The following SMYD3 variants were observed in gnomAD, a reference collection of about 807,000 sequenced individuals.
SMYD3 encodes the protein SET and MYND domain containing 3.
SMYD3 carries 36 observed loss-of-function variants against 57.7 expected under a neutral mutation model. The ratio of observed to expected loss-of-function variants is 0.62; its 90% CI spans 0.48 to 0.82. The LOEUF is 0.82. Ranked by LOEUF, SMYD3 falls within the 40% of genes least tolerant of loss-of-function variation. The pLI is 0.00. For synonymous variants in SMYD3, 211 were observed against 195.0 expected (o/e 1.08, Z -0.68); for missense variants, 515 against 538.8 (o/e 0.96, Z 0.44).
Position 246,255,985 on chromosome 1 carries a change from G to GATAC in SMYD3, c.531+71212_531+71215dup, listed in dbSNP as rs1553320472. On this transcript the variant is annotated intron_variant, in intron 5 of 11. Transcript: ENST00000490107. ...AGATAGATAGATAGATAGATAGATAGATACACACACACATACATACATACA... is the reference window on the plus strand; with the variant it reads ...AGATAGATAGATAGATAGATAGATAGATACATACACACACACATACATACATACA... 1.2e-3 allele frequency among the ~76,000 whole-genome samples: 178 copies of GATAC among 144,674 alleles called. 1 individual carries two copies. The highest frequency in any genetic ancestry group is 4.2e-3 in the African/African-American group (166 of 39,218). 94.9% of individuals were successfully genotyped at this position (144,674 alleles called of 152,430 possible). A position where few individuals can be genotyped will look rare whatever the true frequency, so the allele number is the denominator to read the frequency against.
chr1:246,451,058 A>T (rs2067625994), intron 1 of SMYD3, among the ~76,000 whole-genome samples: 1 of 152,230 alleles, frequency 6.6e-6, no homozygotes, highest in African/African-American at 2.4e-5. Flanking sequence ...AACATTCAGC[A>T]GGTGCCTGCC....
chr1:245,834,521 T>C (rs562690783), intron 10 of SMYD3, among the ~76,000 whole-genome samples: 2 of 152,330 alleles, frequency 1.3e-5, no homozygotes, highest in East Asian at 1.9e-4. Flanking sequence ...CTGACTCTAA[T>C]AGAATGAACT....
intron 1 of SMYD3, among the ~76,000 whole-genome samples, chr1:246,363,378 T>C (rs2066039465): frequency 6.6e-6 from 1 of 151,772 alleles, no homozygotes. Context: ...TACTGGGAAG[T>C]GAGGAGCCCC....
intron 5 of SMYD3, among the ~76,000 whole-genome samples, chr1:246,305,469 T>C (rs1186848481): frequency 2.6e-5 from 4 of 152,200 alleles, no homozygotes; most frequent in African/African-American, 7.2e-5. Context: ...TAATGGTCAA[T>C]TCAGGCTGCA....
At chr1:246,473,602 C>G (rs1042870598) in intron 1 of SMYD3, among the ~76,000 whole-genome samples, 2 of 152,170 alleles carry the variant, frequency 1.3e-5, no homozygotes, top group African/African-American at 4.8e-5. Flanking sequence ...AAAATTGCCC[C>G]CCACCACCAT....
At chr1:246,311,372 C>T (rs1264204415) in intron 5 of SMYD3, among the ~76,000 whole-genome samples, 1 of 152,202 alleles carries the variant, frequency 6.6e-6, no homozygotes, top group Non-Finnish European at 1.5e-5. Context: ...ATCATCATTG[C>T]TCTAAAGAAA....
At chr1:245,792,807 C>T (rs186350770) in intron 10 of SMYD3, among the ~76,000 whole-genome samples, 6 of 152,220 alleles carry the variant, frequency 3.9e-5, no homozygotes, top group East Asian at 1.9e-4. Context: ...TGAGGGACGA[C>T]GTCGAAGTTC....
intron 1 of SMYD3, among the ~76,000 whole-genome samples, chr1:246,471,258 G>A (rs79493957): frequency 0.016 from 2,479 of 152,252 alleles, 33 homozygotes; most frequent in Non-Finnish European, 0.024. Flanking sequence ...AAGTGCGGCT[G>A]TATGATCATG....
chr1:245,954,424 A>G (rs1256067944), intron 5 of SMYD3, among the ~76,000 whole-genome samples: 3 of 152,198 alleles, frequency 2.0e-5, no homozygotes, highest in Non-Finnish European at 2.9e-5. Flanking sequence ...CTGTAATCTT[A>G]GCACTTTGGG....
intron 1 of SMYD3, among the ~76,000 whole-genome samples, chr1:246,491,500 A>G (rs2068270539): frequency 6.6e-6 from 1 of 151,444 alleles, no homozygotes; most frequent in African/African-American, 2.4e-5. Flanking sequence ...AGATCGCACC[A>G]TTGCACTCCA....
At chr1:246,130,293 C>CA (rs1485933260) in intron 5 of SMYD3, among the ~76,000 whole-genome samples, 1 of 152,122 alleles carries the variant, frequency 6.6e-6, no homozygotes. Context: ...ATGAAGTTCC[C>CA]AGGCCTCCAT....
chr1:245,797,677 T>C (rs574022485), intron 10 of SMYD3, among the ~76,000 whole-genome samples: 1 of 151,732 alleles, frequency 6.6e-6, no homozygotes, highest in African/African-American at 2.4e-5. Context: ...AGTATAATTA[T>C]ATATAGATAG....
At chr1:246,050,879 CTGAAT>C (rs1050794683) in intron 5 of SMYD3, among the ~76,000 whole-genome samples, 12 of 152,094 alleles carry the variant, frequency 7.9e-5, no homozygotes, top group Admixed American at 6.5e-5. Flanking sequence ...TTGTCCCTTA[CTGAAT>C]AACAATTCAG....
At chr1:246,268,176 C>T (rs1468899748) in intron 5 of SMYD3, among the ~76,000 whole-genome samples, 6 of 152,020 alleles carry the variant, frequency 3.9e-5, no homozygotes, top group Admixed American at 1.3e-4. Flanking sequence ...GATGGGAGGT[C>T]GGCACAAGAT....
At chr1:245,908,506 T>C (rs1174522842) in intron 8 of SMYD3, among the ~76,000 whole-genome samples, 1 of 152,202 alleles carries the variant, frequency 6.6e-6, no homozygotes, top group Non-Finnish European at 1.5e-5. Context: ...TTACAGAACA[T>C]ACATCCAACA....
At position 246,199,632 on chromosome 1, in the gene SMYD3, C is replaced by T. The variant is rs74377357; in HGVS notation, c.531+127569G>A. The stretch of plus-strand genomic sequence containing the variant: ...TTGACACATTTCCAATATCTTGTCA[C>T]GTACAAAATTCAGAAGAGCACACCT... On this transcript the variant is annotated intron_variant, in intron 5 of 11. Transcript: ENST00000490107. 0.021 allele frequency among the ~76,000 whole-genome samples: 3,165 copies of T among 152,300 alleles called. 230 individuals are homozygous for T. In the East Asian group the frequency reaches 0.24, roughly 11 times the overall value.
chr1:245,950,983 G>T (rs2057614911), intron 5 of SMYD3, among the ~76,000 whole-genome samples: 2 of 152,122 alleles, frequency 1.3e-5, no homozygotes, highest in South Asian at 2.1e-4. Context: ...TTGAGTTAGG[G>T]ATTGAACACT....
intron 1 of SMYD3, among the ~76,000 whole-genome samples, chr1:246,443,910 A>G (rs1349465357): frequency 6.6e-6 from 1 of 152,158 alleles, no homozygotes; most frequent in East Asian, 1.9e-4. Flanking sequence ...CAAAAAATTC[A>G]TATTTCATTT....
chr1:246,120,115 G>A (rs1166878002), intron 5 of SMYD3, among the ~76,000 whole-genome samples: 4 of 152,126 alleles, frequency 2.6e-5, no homozygotes, highest in Non-Finnish European at 2.9e-5. Flanking sequence ...ACTTAGCAAC[G>A]CCTGTTTGTT....
Sources: gnomAD v4.1 joint callset for allele counts (sites outside exome capture counted in the v4.1 genomes callset) on GRCh38, gnomAD v4.1.1 for gene constraint, MANE v1.5 for transcripts, NCBI Gene and HGNC (gene_info 2026-07-23, HGNC 2026-07-21) for gene names.